PAWR: variants seen among roughly 807,000 people sequenced by gnomAD.
The protein encoded by PAWR is PRKC apoptosis WT1 regulator protein.
In PAWR, 23 loss-of-function variants were observed where a neutral mutation model predicts 32.0. The ratio of observed to expected loss-of-function variants is 0.72; its 90% confidence interval spans 0.52 to 1.02. The LOEUF is 1.02. Ranked by LOEUF, PAWR falls within the 50% of genes least tolerant of loss-of-function variation. PAWR has a pLI of 0.00. For synonymous variants in PAWR, 226 were observed against 187.1 expected, an observed-to-expected ratio of 1.21 and a Z score of -1.70; for missense variants, 457 against 437.7, an observed-to-expected ratio of 1.04 and a Z score of -0.39.
chr12:79,603,665 C>CTTTTTTT (rs1592493827), intron 4 of PAWR: 1 of 141,452 alleles, frequency 7.1e-6, no homozygotes, highest in East Asian at 2.1e-4. Context: ...CATCATTATG[C>CTTTTTTT]TATTTTTTTT....
chr12:79,608,824 T>C (rs1218974698), intron 4 of PAWR, among the ~76,000 whole-genome samples: 3 of 151,986 alleles, frequency 2.0e-5, no homozygotes, highest in South Asian at 2.1e-4. Context: ...GTGGGTGAAC[T>C]ACTTGAGATC....
intron 4 of PAWR, chr12:79,604,328 C>G: frequency 9.9e-7 from 1 of 1,006,236 alleles, no homozygotes; most frequent in Non-Finnish European, 1.2e-6. Flanking sequence ...AATGCCACCC[C>G]TTACTGGAAG....
At chr12:79,593,022 C>A (rs569731269) in intron 6 of PAWR, among the ~76,000 whole-genome samples, 36 of 152,120 alleles carry the variant, frequency 2.4e-4, no homozygotes, top group Non-Finnish European at 4.7e-4. Flanking sequence ...TCCACTTCCC[C>A]TCCCTAAAAC....
chr12:79,620,004 TCAGA>T (rs1202047716), intron 3 of PAWR, among the ~76,000 whole-genome samples: 1 of 152,150 alleles, frequency 6.6e-6, no homozygotes, highest in Admixed American at 6.6e-5. Context: ...TGAAATAAGA[TCAGA>T]CAAATACAAG....
chr12:79,633,385 C>T (rs974788989), intron 2 of PAWR, among the ~76,000 whole-genome samples: 5 of 152,042 alleles, frequency 3.3e-5, no homozygotes, highest in African/African-American at 1.2e-4. Context: ...CACGAAAAGA[C>T]ACTCAACATC....
chr12:79,604,125 C>G, intron 4 of PAWR: 1 of 461,588 alleles, frequency 2.2e-6, no homozygotes, highest in Non-Finnish European at 2.8e-6. Context: ...ATTTTGAAAG[C>G]CAGATATGCA....
chr12:79,658,387 T>C (rs964666357), intron 2 of PAWR, among the ~76,000 whole-genome samples: 4 of 152,192 alleles, frequency 2.6e-5, no homozygotes, highest in African/African-American at 4.8e-5. Flanking sequence ...AGAAACTAAA[T>C]ACTTGAAATT....
intron 2 of PAWR, among the ~76,000 whole-genome samples, chr12:79,667,067 CAT>C (rs1482294438): frequency 2.0e-5 from 3 of 152,318 alleles, no homozygotes; most frequent in African/African-American, 7.2e-5. Context: ...CATGATGTCT[CAT>C]ATGTCTCCCT....
intron 3 of PAWR, among the ~76,000 whole-genome samples, chr12:79,617,692 G>A (rs1376777333): frequency 6.6e-6 from 1 of 152,114 alleles, no homozygotes; most frequent in Non-Finnish European, 1.5e-5. Flanking sequence ...TATATATTAT[G>A]GAAGGATCAA....
intron 4 of PAWR, among the ~76,000 whole-genome samples, chr12:79,602,460 T>C (rs1874000959): frequency 6.6e-6 from 1 of 152,116 alleles, no homozygotes; most frequent in Non-Finnish European, 1.5e-5. Context: ...GTGGAGGCTA[T>C]TGTAATCACC....
chr12:79,588,616 C>T lies in PAWR; in HGVS notation c.*3991G>A, dbSNP rs1565993156. 6.6e-6 allele frequency: 1 copy of T among 151,960 alleles called. No individual in the cohort carries two copies. Among genetic ancestry groups the T allele is most frequent in the Non-Finnish European group, 1.5e-5 (1 of 67,868 alleles). The allele number at this position is 151,960 out of a possible 1,614,324, so 9.4% of individuals were successfully genotyped here. A position where few individuals can be genotyped will look rare whatever the true frequency, so the allele number is the denominator to read the frequency against. ...CTAAGACTGCATTTTGTGCTACTGA[C>T]ATGCACTATATAGATCGTACACTAC... On this transcript the variant is annotated 3_prime_UTR_variant, in exon 7 of 7. Coordinates refer to ENST00000328827, the MANE Select transcript of PAWR (RefSeq NM_002583.4).
intron 4 of PAWR, chr12:79,604,015 A>G (rs1874069523): frequency 6.5e-6 from 1 of 154,190 alleles, no homozygotes; most frequent in Non-Finnish European, 1.4e-5. Flanking sequence ...AAACAAAATC[A>G]GTGCTTCATT....
In PAWR at chr12:79,690,029, G is replaced by T; in HGVS notation, c.216C>A (p.Asn72Lys). 1 of 1,331,302 alleles carries T rather than the reference G, an allele frequency of 7.5e-7. No individual in the cohort carries two copies. Among genetic ancestry groups the T allele is most frequent in the Non-Finnish European group, 9.5e-7 (1 of 1,048,928 alleles). The allele number at this position is 1,331,302 out of a possible 1,614,324, so 82.5% of individuals were successfully genotyped here. Residue 72 changes from asparagine to lysine, a missense_variant, in exon 2 of 7, where the codon AAC becomes AAA. Physicochemically the swap from Asn to Lys is moderately conservative, Grantham distance 94. Coordinates refer to ENST00000328827, the MANE Select transcript of PAWR (RefSeq NM_002583.4). ...GTGCGGCCGGCGCGCCGCCCGGGAG[G>T]TTGTTGTTGAGCTCGTTGGCAGCGG... ...AAAAANELNN[N>K]LPGGAPAAPA...
At chr12:79,608,835 A>G (rs1328556097) in intron 4 of PAWR, among the ~76,000 whole-genome samples, 1 of 152,170 alleles carries the variant, frequency 6.6e-6, no homozygotes, top group East Asian at 1.9e-4. Flanking sequence ...ACTTGAGATC[A>G]GGAGTTTGAG....
chr12:79,586,702 A>ATGT lies in PAWR; in HGVS notation c.*5902_*5904dup, dbSNP rs1052858125. On this transcript the variant is annotated 3_prime_UTR_variant, in exon 7 of 7. Coordinates refer to ENST00000328827, the MANE Select transcript of PAWR (RefSeq NM_002583.4). ...TCTTTAACCGGCTCATACTGTTTTCATGTTGTTCAACTATTTGACACAAAA... is the reference window on the plus strand; with the variant it reads ...TCTTTAACCGGCTCATACTGTTTTCATGTTGTTGTTCAACTATTTGACACAAAA... 1 of 152,194 alleles carries ATGT rather than the reference A, an allele frequency of 6.6e-6. No homozygotes were observed. Among genetic ancestry groups the ATGT allele is most frequent in the African/African-American group, 2.4e-5 (1 of 41,472 alleles). The allele number at this position is 152,194 out of a possible 1,614,324, so 9.4% of individuals were successfully genotyped here.
chr12:79,689,512 C>G (rs2430867), intron 2 of PAWR, among the ~76,000 whole-genome samples: 29,880 of 152,142 alleles, frequency 0.2, 7,774 homozygotes, highest in African/African-American at 0.59. Context: ...GGCCAGGAAG[C>G]CTGAAAAGCA....
intron 2 of PAWR, among the ~76,000 whole-genome samples, chr12:79,683,733 G>A (rs944863653): frequency 2.0e-5 from 3 of 151,772 alleles, no homozygotes; most frequent in African/African-American, 7.3e-5. Flanking sequence ...TAAATTGTTA[G>A]GTTTTTGCAA....
rs1875531149 is a variant in PAWR, at chr12:79,630,015, AAG to A, written c.517-8810_517-8809del. Among the ~76,000 whole-genome samples, 5 of 152,208 alleles carry A rather than the reference AAG, an allele frequency of 3.3e-5. No individual in the cohort carries two copies. The East Asian group carries it at 9.6e-4, about 29-fold the overall frequency. On this transcript the variant is annotated intron_variant, in intron 2 of 6. Transcript: ENST00000328827. ...ACAATGAATATTTATTTTAGAAAAA[AAG>A]AAGTCTCAAATCAATGATCAAGGCT...
At chr12:79,643,759 C>T (rs1347428759) in intron 2 of PAWR, among the ~76,000 whole-genome samples, 1 of 152,126 alleles carries the variant, frequency 6.6e-6, no homozygotes, top group African/African-American at 2.4e-5. Flanking sequence ...AAGTAAGCTA[C>T]AGCTATGTGA....
Sources: gnomAD v4.1 joint callset for allele counts (sites outside exome capture counted in the v4.1 genomes callset) on GRCh38, gnomAD v4.1.1 for gene constraint, MANE v1.5 for transcripts, NCBI Gene and HGNC (gene_info 2026-07-23, HGNC 2026-07-21) for gene names.